Variants in HAPLN1 observed in about 807,000 individuals in gnomAD.
The protein encoded by HAPLN1 is hyaluronan and proteoglycan link protein 1.
HAPLN1 carries 13 observed loss-of-function variants against 36.5 expected under a neutral mutation model. The observed-to-expected ratio is 0.36, with a 90% confidence interval of 0.23 to 0.57. HAPLN1 has a LOEUF of 0.57. Ranked by LOEUF, HAPLN1 falls within the 20% of genes least tolerant of loss-of-function variation. The pLI, the probability that HAPLN1 is intolerant of heterozygous loss-of-function variation, is 0.83. For missense variants in HAPLN1, 407 were observed against 439.7 expected, an observed-to-expected ratio of 0.93 and a Z score of 0.66; for synonymous variants, 202 against 169.8, an observed-to-expected ratio of 1.19 and a Z score of -1.48.
intron 3 of HAPLN1, among the ~76,000 whole-genome samples, chr5:83,647,941 A>T (rs903048107): frequency 4.6e-5 from 7 of 152,302 alleles, no homozygotes; most frequent in Admixed American, 3.9e-4. Context: ...TAGTTCTCAG[A>T]CTATAATTTT....
chr5:83,645,916 G>A (rs1177299072), intron 3 of HAPLN1, among the ~76,000 whole-genome samples: 2 of 152,176 alleles, frequency 1.3e-5, no homozygotes, highest in Non-Finnish European at 2.9e-5. Context: ...CCTGTAAAAG[G>A]TAGGTACAGA....
chr5:83,708,402 T>C (rs1344977682), intron 1 of HAPLN1, among the ~76,000 whole-genome samples: 1 of 152,172 alleles, frequency 6.6e-6, no homozygotes, highest in Non-Finnish European at 1.5e-5. Context: ...CAAGATAATG[T>C]CTTCTGTGGG....
intron 1 of HAPLN1, among the ~76,000 whole-genome samples, chr5:83,710,205 A>G (rs1484704281): frequency 6.6e-6 from 1 of 152,154 alleles, no homozygotes; most frequent in Non-Finnish European, 1.5e-5. Flanking sequence ...CAGGGAGAAT[A>G]TGTAGGGTGG....
intron 2 of HAPLN1, among the ~76,000 whole-genome samples, chr5:83,663,683 T>G (rs1750473933): frequency 6.6e-6 from 1 of 152,188 alleles, no homozygotes; most frequent in South Asian, 2.1e-4. Flanking sequence ...ATTTAGTTTA[T>G]GCCTCCATCA....
Position 83,641,376 on chromosome 5 carries a change from T to C in HAPLN1, c.*120A>G, listed in dbSNP as rs928814270. On this transcript the variant is annotated 3_prime_UTR_variant, in exon 5 of 5. Transcript: ENST00000274341. ...ATTGATCTTTATGAAAATGACTCTT[T>C]ACAGTAAGTAAAAAAGGGTTATCAC... The C allele has an allele frequency of 3.9e-5, 32 of 818,950 alleles. No homozygotes were observed. The highest frequency in any genetic ancestry group is 1.7e-5 in the African/African-American group (1 of 57,972). The allele number at this position is 818,950 out of a possible 1,614,324, so 50.7% of individuals were successfully genotyped here.
intron 1 of HAPLN1, among the ~76,000 whole-genome samples, chr5:83,690,055 C>CAGA (rs779604176): frequency 2.6e-5 from 4 of 151,908 alleles, no homozygotes; most frequent in Non-Finnish European, 5.9e-5. Flanking sequence ...GAAGACCACC[C>CAGA]AGAAGTTTCA....
intron 4 of HAPLN1, among the ~76,000 whole-genome samples, chr5:83,642,838 A>C (rs1160297938): frequency 1.3e-5 from 2 of 152,222 alleles, no homozygotes; most frequent in Non-Finnish European, 2.9e-5. Flanking sequence ...AGCAAACTAT[A>C]GCTCATGGGT....
In HAPLN1 at chr5:83,644,522, T is replaced by G. The variant is rs747250371; in HGVS notation, c.616A>C (p.Asn206His). Reference sequence around the variant, plus strand: ...GAGCCATCACTGAGCCAGCCGGCATTGCACCAGTCCAGCCCGCCCCGCCAG... The same window carrying G: ...GAGCCATCACTGAGCCAGCCGGCATGGCACCAGTCCAGCCCGCCCCGCCAG... Reference protein sequence around the residue: ...DAWRGGLDWCNAGWLSDGSVQ... With the variant: ...DAWRGGLDWCHAGWLSDGSVQ... Residue 206 changes from asparagine (N) to histidine (H), a missense_variant, in exon 4 of 5, where the codon AAT becomes CAT. Coordinates refer to ENST00000274341, the MANE Select transcript of HAPLN1 (RefSeq NM_001884.4). 1.9e-6 allele frequency: 3 copies of G among 1,612,168 alleles called. No homozygotes were observed. Among genetic ancestry groups the G allele is most frequent in the Non-Finnish European group, 1.7e-6 (2 of 1,179,136 alleles).
chr5:83,665,947 AC>A (rs1282322243), intron 2 of HAPLN1, among the ~76,000 whole-genome samples: 1 of 152,230 alleles, frequency 6.6e-6, no homozygotes, highest in Admixed American at 6.5e-5. Flanking sequence ...TTGAAGGCAG[AC>A]AAGTCTAGGG....
chr5:83,679,699 T>G (rs1268271175), intron 1 of HAPLN1, among the ~76,000 whole-genome samples: 1 of 152,192 alleles, frequency 6.6e-6, no homozygotes, highest in Non-Finnish European at 1.5e-5. Flanking sequence ...ATTGGAGCTA[T>G]CCTGGATAGA....
At chr5:83,680,187 T>C (rs1750965330) in intron 1 of HAPLN1, among the ~76,000 whole-genome samples, 2 of 152,168 alleles carry the variant, frequency 1.3e-5, no homozygotes, top group African/African-American at 4.8e-5. Context: ...TAGGTAATGC[T>C]TGAGATGGGG....
intron 1 of HAPLN1, among the ~76,000 whole-genome samples, chr5:83,700,646 CT>C (rs11352221): frequency 0.15 from 20,463 of 138,842 alleles, 2,107 homozygotes; most frequent in African/African-American, 0.33. Flanking sequence ...TCCTTTCAAA[CT>C]TTTTTTTTTT....
intron 1 of HAPLN1, among the ~76,000 whole-genome samples, chr5:83,683,966 AC>A (rs573323796): frequency 5.2e-4 from 79 of 152,244 alleles, no homozygotes; most frequent in African/African-American, 1.8e-3. Flanking sequence ...CAAGAGCAAA[AC>A]AAAGAGGGAG....
Position 83,652,113 on chromosome 5 carries a change from T to TA in HAPLN1, c.472+339dup, listed in dbSNP as rs1372708364. On this transcript the variant is annotated intron_variant, in intron 3 of 4. Coordinates refer to ENST00000274341, the MANE Select transcript of HAPLN1 (RefSeq NM_001884.4). The stretch of plus-strand genomic sequence containing the variant: ...AACTGAGATAATTTTAGAAACAAAA[T>TA]AAAAAAAGTACACAGTCTGAATTTC... 1.0e-5 allele frequency: 3 copies of TA among 290,804 alleles called. No homozygotes were observed. In the East Asian group the frequency reaches 1.7e-4, roughly 17 times the overall value. The allele number at this position is 290,804 out of a possible 1,614,324, so 18.0% of individuals were successfully genotyped here.
chr5:83,663,601 C>G, intron 2 of HAPLN1, among the ~76,000 whole-genome samples: 1 of 152,138 alleles, frequency 6.6e-6, no homozygotes, highest in Non-Finnish European at 1.5e-5. Flanking sequence ...CCTGTTGGTC[C>G]TATATTGAAT....
intron 1 of HAPLN1, among the ~76,000 whole-genome samples, chr5:83,703,959 G>GA (rs139883838): frequency 0.032 from 4,908 of 151,366 alleles, 293 homozygotes; most frequent in African/African-American, 0.11. Flanking sequence ...GATTTTCGAA[G>GA]ATTAAAATGA....
intron 1 of HAPLN1, among the ~76,000 whole-genome samples, chr5:83,679,889 A>G (rs761738171): frequency 1.3e-5 from 2 of 152,184 alleles, no homozygotes; most frequent in Admixed American, 6.6e-5. Flanking sequence ...GTTAGTTGTT[A>G]TTATTATGAT....
At chr5:83,673,739 T>C (rs1057084456) in intron 1 of HAPLN1, 190 bp from the exon 2 acceptor site, 10 of 504,260 alleles carry the variant, frequency 2.0e-5, no homozygotes, top group Non-Finnish European at 3.5e-5. Context: ...CCTGCTACCA[T>C]CATGTAGCCA....
At chr5:83,658,153 A>G (rs1359497754) in intron 2 of HAPLN1, among the ~76,000 whole-genome samples, 2 of 152,088 alleles carry the variant, frequency 1.3e-5, no homozygotes, top group African/African-American at 2.4e-5. Flanking sequence ...ACAGTTCTTT[A>G]TTTTGTGACA....
Sources: gnomAD v4.1 joint callset for allele counts (sites outside exome capture counted in the v4.1 genomes callset) on GRCh38, gnomAD v4.1.1 for gene constraint, MANE v1.5 for transcripts, NCBI Gene and HGNC (gene_info 2026-07-23, HGNC 2026-07-21) for gene names.